SNX27: variants seen among roughly 807,000 people sequenced by gnomAD.
SNX27 encodes the protein sorting nexin 27, also known as sorting nexin-27.
A neutral mutation model predicts 71.6 loss-of-function variants in SNX27; 22 were observed. That is an observed-to-expected ratio of 0.31 (90% CI 0.22 to 0.44). The LOEUF (loss-of-function observed/expected upper bound fraction) is 0.44. SNX27 is among the 20% of genes least tolerant of loss of function. The pLI, the probability that SNX27 is intolerant of heterozygous loss-of-function variation, is 1.00. For missense variants in SNX27, 531 were observed against 698.6 expected (o/e 0.76, Z 2.70); for synonymous variants, 269 against 277.2 (o/e 0.97, Z 0.29).
chr1:151,638,911 C>T lies in SNX27; in HGVS notation c.335C>T (p.Ala112Val), dbSNP rs756306355. The T allele has an allele frequency of 6.8e-6, 11 of 1,613,874 alleles. No homozygotes were observed. The highest frequency in any genetic ancestry group is 9.3e-6 in the Non-Finnish European group (11 of 1,180,010). The change falls in exon 2 of 12, where the codon GCG (alanine) becomes GTG (valine). Residue 112 changes from alanine (A) to valine (V), a missense_variant. Coordinates refer to ENST00000458013, the MANE Select transcript of SNX27 (RefSeq NM_001330723.2). ...AGGAACCACGTGAATGTTGAGGGGG[C>T]GACACACAAGCAGGTGGTGGACCTG... ...LEVNHVNVEG[A>V]THKQVVDLIR...
At position 151,622,277 on chromosome 1, in the gene SNX27, C is replaced by CA. The variant is rs1237687881; in HGVS notation, c.311+9766dup. On this transcript the variant is annotated intron_variant, in intron 1 of 11. Transcript: ENST00000458013. ...TATTTCAGCTGTTTTTTTCAGTTGT[C>CA]ATGATAGATTACACTATCTGTTCAC... 2.0e-5 allele frequency among the ~76,000 whole-genome samples: 3 copies of CA among 152,118 alleles called. No individual in the cohort carries two copies. In the East Asian group the frequency reaches 5.8e-4, roughly 29 times the overall value.
Position 151,696,510 on chromosome 1 carries a change from TTTCGTTCTTTCG to T in SNX27, c.*2097_*2108del, listed in dbSNP as rs1671730689. Reference sequence around the variant, plus strand: ...CTTTCTTTCTTTCTTTCTTTCGTTCTTTCGTTCTTTCGTTCTTTCTTTCTTTCTTTCTTTCTC... The same window carrying T: ...CTTTCTTTCTTTCTTTCTTTCGTTCTTTCTTTCTTTCTTTCTTTCTTTCTC... On this transcript the variant is annotated 3_prime_UTR_variant, in exon 12 of 12. Coordinates refer to ENST00000458013, the MANE Select transcript of SNX27 (RefSeq NM_001330723.2). 7.0e-6 allele frequency: 1 copy of T among 142,066 alleles called. No individual in the cohort carries two copies. Among genetic ancestry groups the T allele is most frequent in the African/African-American group, 2.8e-5 (1 of 35,466 alleles). 8.8% of individuals were successfully genotyped at this position (142,066 alleles called of 1,614,324 possible). A position where few individuals can be genotyped will look rare whatever the true frequency, so the allele number is the denominator to read the frequency against.
At chr1:151,666,168 A>T (rs768788386) in intron 6 of SNX27, 157 bp downstream of exon 6, 17 of 440,526 alleles carry the variant, frequency 3.9e-5, no homozygotes, top group South Asian at 3.2e-4. Context: ...GGTCATAAGC[A>T]TGTCTGATCA....
intron 2 of SNX27, among the ~76,000 whole-genome samples, chr1:151,648,441 C>T (rs539738692): frequency 5.3e-5 from 8 of 151,072 alleles, no homozygotes; most frequent in East Asian, 1.9e-4. Context: ...TTTTTTGAGA[C>T]GGAGTTTTGC....
At chr1:151,620,575 T>C (rs1236516739) in intron 1 of SNX27, among the ~76,000 whole-genome samples, 1 of 152,224 alleles carries the variant, frequency 6.6e-6, no homozygotes, top group African/African-American at 2.4e-5. Flanking sequence ...TTCTCTTCTG[T>C]TTTAAATGAC....
intron 1 of SNX27, among the ~76,000 whole-genome samples, chr1:151,629,779 A>G (rs1452827216): frequency 6.6e-6 from 1 of 151,584 alleles, no homozygotes; most frequent in African/African-American, 2.4e-5. Flanking sequence ...GGGTTTTACC[A>G]TGTTGGCCAG....
intron 8 of SNX27, among the ~76,000 whole-genome samples, chr1:151,689,221 G>A (rs919607335): frequency 6.6e-6 from 1 of 152,206 alleles, no homozygotes; most frequent in African/African-American, 2.4e-5. Context: ...TTACAGAGAA[G>A]TGAAGTCTGA....
Position 151,658,261 on chromosome 1 carries a change from G to A in SNX27, c.570G>A (p.Arg190=), listed in dbSNP as rs1669789346. The A allele has an allele frequency of 2.5e-6, 4 of 1,611,684 alleles. No homozygotes were observed. Among genetic ancestry groups the A allele is most frequent in the Non-Finnish European group, 2.5e-6 (3 of 1,179,148 alleles). ...FVVYNVYMAG[R]QLCSKRYREF... ...TATATAATGTTTACATGGCAGGGAG[G>A]CAGCTGTGTTCTAAGCGGTACCGGG... The change falls in exon 3 of 12, where the codon AGG becomes AGA. Residue 190 remains arginine (R), a synonymous_variant. Transcript: ENST00000458013.
At chr1:151,634,745 TC>T (rs1668395914) in intron 1 of SNX27, among the ~76,000 whole-genome samples, 1 of 152,314 alleles carries the variant, frequency 6.6e-6, no homozygotes, top group East Asian at 1.9e-4. Context: ...CTTAATTTTT[TC>T]CTTCATTTTA....
chr1:151,653,232 T>G (rs1196460), intron 2 of SNX27, among the ~76,000 whole-genome samples: 140,850 of 152,142 alleles, frequency 0.93, 65,857 homozygotes, highest in Non-Finnish European at 0.99. Flanking sequence ...AGCCTTTTTT[T>G]TTGTTGTTGT....
chr1:151,694,577 T>G lies in SNX27; in HGVS notation c.*160T>G. 1.5e-6 allele frequency: 1 copy of G among 672,392 alleles called. No homozygotes were observed. The highest frequency in any genetic ancestry group is 2.7e-5 in the South Asian group (1 of 37,238). 41.7% of individuals were successfully genotyped at this position (672,392 alleles called of 1,614,324 possible). ...TATTATTAATAACCCCCTCTGAATT[T>G]CATGTCTCTGGAATTGAGGTGGTAG... On this transcript the variant is annotated 3_prime_UTR_variant, in exon 12 of 12. Transcript: ENST00000458013.
intron 8 of SNX27, among the ~76,000 whole-genome samples, chr1:151,691,017 C>T (rs1181333488): frequency 6.6e-6 from 1 of 152,108 alleles, no homozygotes; most frequent in Non-Finnish European, 1.5e-5. Context: ...ACCACCCACC[C>T]CTGTCATATT....
At chr1:151,684,315 C>G (rs1671096856) in intron 8 of SNX27, among the ~76,000 whole-genome samples, 2 of 152,188 alleles carry the variant, frequency 1.3e-5, no homozygotes, top group Admixed American at 6.5e-5. Flanking sequence ...TCTAGCTGCT[C>G]TAGCCACATT....
At position 151,638,933 on chromosome 1, in the gene SNX27, C is replaced by A. The variant is rs375979033; in HGVS notation, c.357C>A (p.Asp119Glu). The A allele has an allele frequency of 6.2e-7, 1 of 1,614,110 alleles. No individual in the cohort carries two copies. Among genetic ancestry groups the A allele is most frequent in the East Asian group, 2.2e-5 (1 of 44,878 alleles). ...GGGCGACACACAAGCAGGTGGTGGA[C>A]CTGATTCGAGCAGGCGAGAAGGAAT... ...VEGATHKQVV[D>E]LIRAGEKELI... Residue 119 changes from aspartate to glutamate, a missense_variant, in exon 2 of 12, where the codon GAC becomes GAA. Around this residue, in one of 5 missense-constraint regions of SNX27, gnomAD observed 13 missense variants for 45.6 expected, o/e 0.28. Coordinates refer to ENST00000458013, the MANE Select transcript of SNX27 (RefSeq NM_001330723.2).
At chr1:151,683,305 A>G (rs757011610) in intron 7 of SNX27, 51 bp from the exon 8 acceptor site, 8 of 1,442,730 alleles carry the variant, frequency 5.5e-6, no homozygotes, top group Non-Finnish European at 7.7e-6. Flanking sequence ...GAGAATGTAC[A>G]TAATAATGAT....
intron 8 of SNX27, among the ~76,000 whole-genome samples, chr1:151,684,107 A>T (rs949292570): frequency 1.3e-5 from 2 of 152,222 alleles, no homozygotes; most frequent in Admixed American, 6.6e-5. Context: ...TATTTTAGTC[A>T]TGATTTAGCA....
intron 1 of SNX27, among the ~76,000 whole-genome samples, chr1:151,621,913 G>A (rs1261049848): frequency 6.6e-6 from 1 of 152,114 alleles, no homozygotes; most frequent in Non-Finnish European, 1.5e-5. Flanking sequence ...ACAGCAATGA[G>A]TTTTGTTCTC....
chr1:151,665,953 C>A lies in SNX27; in HGVS notation c.927C>A (p.Gly309=). The A allele has an allele frequency of 6.2e-7, 1 of 1,605,038 alleles. No homozygotes were observed. ...CTTAGGCTATCGCAGCAAAGGTTGG[C>A]ATGGACAGTACGACAGTGAATTACT... ...QVYQAIAAKV[G]MDSTTVNYFA... Residue 309 remains glycine (G), a synonymous_variant, in exon 6 of 12, where the codon GGC becomes GGA. Coordinates refer to ENST00000458013, the MANE Select transcript of SNX27 (RefSeq NM_001330723.2).
intron 8 of SNX27, among the ~76,000 whole-genome samples, chr1:151,687,981 A>C (rs1028579706): frequency 8.6e-5 from 13 of 151,634 alleles, no homozygotes; most frequent in Non-Finnish European, 1.5e-4. Context: ...CAAAAAAAAA[A>C]ACTGCCCTAT....
Sources: allele counts gnomAD v4.1 joint callset (sites outside exome capture counted in the v4.1 genomes callset), GRCh38; gene constraint gnomAD v4.1.1; regional missense constraint gnomAD v4.1.1; transcripts MANE v1.5; gene names NCBI Gene and HGNC (gene_info 2026-07-23, HGNC 2026-07-21).